The following GRK5 variants were observed in gnomAD, a reference collection of about 807,000 sequenced individuals.
The protein encoded by GRK5 is g protein-coupled receptor kinase GRK5.
GRK5 carries 40 observed loss-of-function variants against 78.4 expected under a neutral mutation model. The ratio of observed to expected loss-of-function variants is 0.51; its 90% confidence interval spans 0.40 to 0.66. GRK5 has a LOEUF of 0.66. GRK5 is among the 30% of genes least tolerant of loss of function. The pLI, the probability that GRK5 is intolerant of heterozygous loss-of-function variation, is 0.00. For missense variants in GRK5, 598 were observed against 759.9 expected (o/e 0.79, Z 2.50); for synonymous variants, 289 against 296.8 (o/e 0.97, Z 0.27).
chr10:119,240,618 C>T (rs1849009262), intron 1 of GRK5, among the ~76,000 whole-genome samples: 1 of 152,056 alleles, frequency 6.6e-6, no homozygotes. Flanking sequence ...TGTTTGTTGG[C>T]CACATAAATG....
intron 2 of GRK5, among the ~76,000 whole-genome samples, chr10:119,344,875 T>A (rs1455310841): frequency 3.5e-5 from 2 of 57,888 alleles, no homozygotes; most frequent in East Asian, 8.2e-4. Flanking sequence ...AGACCCACCC[T>A]TCCTTCCTTC....
At chr10:119,365,383 C>G (rs755139388) in intron 2 of GRK5, among the ~76,000 whole-genome samples, 2 of 152,196 alleles carry the variant, frequency 1.3e-5, no homozygotes. Context: ...TCTGCAGAGA[C>G]AGCCCTTGAA....
At chr10:119,266,148 T>C (rs1449203627) in intron 1 of GRK5, among the ~76,000 whole-genome samples, 1 of 152,158 alleles carries the variant, frequency 6.6e-6, no homozygotes, top group African/African-American at 2.4e-5. Context: ...CTGATTTCTT[T>C]ACCTATTTTA....
intron 2 of GRK5, among the ~76,000 whole-genome samples, chr10:119,343,917 G>A (rs1450156273): frequency 3.3e-5 from 5 of 152,064 alleles, no homozygotes; most frequent in African/African-American, 1.2e-4. Flanking sequence ...TGTGTACGGC[G>A]TTTCTCAAGT....
intron 3 of GRK5, among the ~76,000 whole-genome samples, chr10:119,385,252 GTTTTA>G (rs138077941): frequency 0.16 from 24,421 of 151,340 alleles, 2,571 homozygotes; most frequent in African/African-American, 0.29. Flanking sequence ...CTGACTTGGG[GTTTTA>G]TTTTATTTTA....
At chr10:119,398,781 T>C (rs984442231) in intron 4 of GRK5, among the ~76,000 whole-genome samples, 1 of 152,212 alleles carries the variant, frequency 6.6e-6, no homozygotes, top group African/African-American at 2.4e-5. Flanking sequence ...TGAACCCAAG[T>C]CTGGGTGATT....
chr10:119,348,448 C>T (rs925546566), intron 2 of GRK5, among the ~76,000 whole-genome samples: 3 of 152,332 alleles, frequency 2.0e-5, no homozygotes, highest in Admixed American at 6.5e-5. Flanking sequence ...GCTCCCTGCT[C>T]GGCCTAGGAA....
chr10:119,305,873 A>G (rs915391), intron 1 of GRK5, among the ~76,000 whole-genome samples: 140,420 of 152,218 alleles, frequency 0.92, 65,077 homozygotes, highest in East Asian at 1. Flanking sequence ...GATTCTGGAA[A>G]TGTGTATCTA....
At chr10:119,360,297 T>C (rs1356500596) in intron 2 of GRK5, among the ~76,000 whole-genome samples, 5 of 152,216 alleles carry the variant, frequency 3.3e-5, no homozygotes, top group African/African-American at 9.6e-5. Context: ...TGTCCATTTC[T>C]TGGGTGTGTA....
intron 4 of GRK5, among the ~76,000 whole-genome samples, chr10:119,420,768 A>T (rs1185075014): frequency 6.6e-6 from 1 of 151,912 alleles, no homozygotes; most frequent in Non-Finnish European, 1.5e-5. Flanking sequence ...TTTAGTAGAG[A>T]TAGGCTGTCA....
chr10:119,259,834 C>G (rs7093164), intron 1 of GRK5, among the ~76,000 whole-genome samples: 5 of 152,230 alleles, frequency 3.3e-5, no homozygotes, highest in Admixed American at 6.5e-5. Context: ...ATATGGCTAG[C>G]GGCTACCATA....
intron 2 of GRK5, among the ~76,000 whole-genome samples, chr10:119,371,414 T>C (rs1851545053): frequency 6.6e-6 from 1 of 152,250 alleles, no homozygotes; most frequent in South Asian, 2.1e-4. Flanking sequence ...TATGTTCCCA[T>C]TTCATGTCAC....
At chr10:119,333,421 T>G in intron 2 of GRK5, 2 of 193,564 alleles carry the variant, frequency 1.0e-5, no homozygotes, top group Non-Finnish European at 1.1e-5. Context: ...GTAGTCGGAG[T>G]CATGATCACA....
chr10:119,416,649 GGC>G (rs370974611), intron 4 of GRK5, among the ~76,000 whole-genome samples: 168 of 151,986 alleles, frequency 1.1e-3, no homozygotes, highest in African/African-American at 3.8e-3. Flanking sequence ...GGAGTGCAGT[GGC>G]TCAGTGATCT....
intron 1 of GRK5, among the ~76,000 whole-genome samples, chr10:119,222,103 G>A (rs2133710877): frequency 6.6e-6 from 1 of 152,256 alleles, no homozygotes; most frequent in South Asian, 2.1e-4. Flanking sequence ...TTTTGCTGTT[G>A]CTGTTAGTAT....
chr10:119,306,989 G>A (rs77265563), intron 1 of GRK5, among the ~76,000 whole-genome samples: 4,654 of 152,188 alleles, frequency 0.031, 102 homozygotes, highest in East Asian at 0.085. Flanking sequence ...AGCCGTCAGT[G>A]AGGAGCAGGC....
chr10:119,224,229 G>C (rs182496108), intron 1 of GRK5, among the ~76,000 whole-genome samples: 2 of 152,192 alleles, frequency 1.3e-5, no homozygotes, highest in African/African-American at 4.8e-5. Flanking sequence ...CCCAGACTGG[G>C]CTCTCATTGT....
rs74571762 is a variant in GRK5, at chr10:119,301,818, A to C, written c.53-24698A>C. 7.5e-3 allele frequency among the ~76,000 whole-genome samples: 1,146 copies of C among 152,306 alleles called. 14 individuals are homozygous for C. The highest frequency in any genetic ancestry group is 0.012 in the Admixed American group (178 of 15,306). ...GGGTAGCATTTTCCTCTGCCAGGCC[A>C]ATGGCAGACATTACTAACTAATTGT... is the stretch of plus-strand genomic sequence containing the variant. On this transcript the variant is annotated intron_variant, in intron 1 of 15. Transcript: ENST00000392870.
chr10:119,360,622 G>T (rs767140448), intron 2 of GRK5, among the ~76,000 whole-genome samples: 9 of 151,980 alleles, frequency 5.9e-5, no homozygotes, highest in Non-Finnish European at 1.0e-4. Context: ...GCAGGAGCCT[G>T]TGTGAGTGGG....
Sources: allele counts gnomAD v4.1 joint callset (sites outside exome capture counted in the v4.1 genomes callset), GRCh38; gene constraint gnomAD v4.1.1; transcripts MANE v1.5; gene names NCBI Gene and HGNC (gene_info 2026-07-23, HGNC 2026-07-21).